Variants in SUGT1 observed in about 807,000 individuals in gnomAD.
SUGT1 encodes protein SGT1 homolog.
SUGT1 carries 15 observed loss-of-function variants against 56.1 expected under a neutral mutation model. The observed-to-expected ratio is 0.27, with a 90% CI of 0.18 to 0.41. The LOEUF is 0.41. Ranked by LOEUF, SUGT1 falls within the 10% of genes least tolerant of loss-of-function variation. SUGT1 has a pLI of 1.00. For missense variants in SUGT1, 347 were observed against 382.2 expected (o/e 0.91, Z 0.77); for synonymous variants, 123 against 128.6 (o/e 0.96, Z 0.30).
intron 7 of SUGT1, among the ~76,000 whole-genome samples, chr13:52,663,509 T>G (rs1343424213): frequency 1.3e-5 from 2 of 152,176 alleles, no homozygotes; most frequent in Non-Finnish European, 2.9e-5. Context: ...TGCTCTGTCA[T>G]GCAGGCTGGA....
At chr13:52,672,498 C>T (rs1962984468) in intron 10 of SUGT1, among the ~76,000 whole-genome samples, 1 of 152,082 alleles carries the variant, frequency 6.6e-6, no homozygotes, top group African/African-American at 2.4e-5. Context: ...AGTGTAAAAT[C>T]AAGGTAGATG....
intron 8 of SUGT1, 66 bp from the exon 9 acceptor site, chr13:52,665,571 T>G (rs1962661971): frequency 2.4e-6 from 3 of 1,225,888 alleles, no homozygotes; most frequent in Non-Finnish European, 3.4e-6. Context: ...CAGACTAGTT[T>G]TTGTTTTGAC....
chr13:52,689,104 C>T lies in SUGT1; in HGVS notation c.*1269C>T, dbSNP rs1362009719. ...GGCAAACGGGTCATCATTTCAGCCT[C>T]CAAAACAGTAGGAATTCAGCTCCTT... On this transcript the variant is annotated 3_prime_UTR_variant, in exon 13 of 13. Coordinates refer to ENST00000310528, the MANE Select transcript of SUGT1 (RefSeq NM_006704.5). 1 of 152,194 alleles carries T rather than the reference C, an allele frequency of 6.6e-6. No individual in the cohort carries two copies. Among genetic ancestry groups the T allele is most frequent in the African/African-American group, 2.4e-5 (1 of 41,408 alleles). The allele number at this position is 152,194 out of a possible 1,614,324, so 9.4% of individuals were successfully genotyped here.
intron 6 of SUGT1, 102 bp downstream of exon 6, chr13:52,662,804 T>A: frequency 1.7e-6 from 2 of 1,210,860 alleles, no homozygotes; most frequent in Non-Finnish European, 2.3e-6. Flanking sequence ...TAATTTCTTT[T>A]AAATAGTATA....
At chr13:52,656,952 G>T (rs1962195045) in intron 2 of SUGT1, among the ~76,000 whole-genome samples, 1 of 152,148 alleles carries the variant, frequency 6.6e-6, no homozygotes, top group Non-Finnish European at 1.5e-5. Context: ...TTAACTCTTG[G>T]TAGTTGACAT....
chr13:52,659,137 A>T (rs748081225), intron 4 of SUGT1, 42 bp from the exon 5 acceptor site: 30 of 1,471,336 alleles, frequency 2.0e-5, no homozygotes, highest in Non-Finnish European at 2.5e-5. Context: ...TATTTTCCAG[A>T]TTTTTTGTGT....
chr13:52,660,810 C>T (rs1280337126), intron 5 of SUGT1, among the ~76,000 whole-genome samples: 1 of 152,046 alleles, frequency 6.6e-6, no homozygotes, highest in Non-Finnish European at 1.5e-5. Context: ...TTTCATTTTT[C>T]TTTCTTTTTT....
At chr13:52,667,348 T>G (rs1566183936) in intron 10 of SUGT1, among the ~76,000 whole-genome samples, 2 of 152,154 alleles carry the variant, frequency 1.3e-5, no homozygotes, top group African/African-American at 4.8e-5. Context: ...TTTTGTTTTT[T>G]TTGTTGTTGT....
intron 10 of SUGT1, among the ~76,000 whole-genome samples, chr13:52,674,053 C>CTTT (rs765220996): frequency 0.5 from 54,196 of 107,672 alleles, 15,466 homozygotes; most frequent in East Asian, 0.71. Flanking sequence ...AGATAGTATA[C>CTTT]TTTTTTTTTT....
intron 5 of SUGT1, among the ~76,000 whole-genome samples, chr13:52,660,080 C>A (rs1403533523): frequency 6.6e-6 from 1 of 151,626 alleles, no homozygotes; most frequent in Non-Finnish European, 1.5e-5. Flanking sequence ...CCACCCTCCT[C>A]GGCCTCCCAA....
intron 2 of SUGT1, among the ~76,000 whole-genome samples, chr13:52,654,233 TC>T (rs960127277): frequency 2.0e-5 from 3 of 152,208 alleles, no homozygotes; most frequent in Non-Finnish European, 4.4e-5. Flanking sequence ...GAGTAAGGCT[TC>T]TGGGATGAGT....
chr13:52,659,195 G>C lies in SUGT1; in HGVS notation c.274G>C (p.Glu92Gln). 6.7e-7 allele frequency: 1 copy of C among 1,487,268 alleles called. No individual in the cohort carries two copies. The highest frequency in any genetic ancestry group is 2.6e-5 in the Admixed American group (1 of 39,054). The allele number at this position is 1,487,268 out of a possible 1,614,324, so 92.1% of individuals were successfully genotyped here. A position where few individuals can be genotyped will look rare whatever the true frequency, so the allele number is the denominator to read the frequency against. Reference protein sequence around the residue: ...MLRKGICEYHEKNYAAALETF... With the variant: ...MLRKGICEYHQKNYAAALETF... ...TTCATGCAGAATATGTGAATACCAT[G>C]AAAAAAACTATGCTGCTGCCCTAGA... The change falls in exon 5 of 13, where the codon GAA becomes CAA. Residue 92 changes from glutamate (E) to glutamine (Q), a missense_variant. Transcript: ENST00000310528.
At chr13:52,665,821 T>G (rs757443468) in intron 9 of SUGT1, 88 bp downstream of exon 9, 80 of 816,374 alleles carry the variant, frequency 9.8e-5, no homozygotes, top group Non-Finnish European at 1.3e-4. Flanking sequence ...GTTTATCAGA[T>G]AAATGCTATT....
intron 12 of SUGT1, among the ~76,000 whole-genome samples, chr13:52,683,831 T>C (rs894026611): frequency 2.6e-5 from 4 of 152,138 alleles, no homozygotes. Context: ...CTGATAAATT[T>C]ATCCATTTTG....
At chr13:52,683,972 C>T (rs1030118267) in intron 12 of SUGT1, among the ~76,000 whole-genome samples, 4 of 152,162 alleles carry the variant, frequency 2.6e-5, no homozygotes, top group Non-Finnish European at 5.9e-5. Context: ...CCTCAACTTC[C>T]CAGGCTCAAG....
intron 2 of SUGT1, among the ~76,000 whole-genome samples, chr13:52,653,864 T>C (rs770509608): frequency 3.3e-5 from 5 of 152,244 alleles, no homozygotes; most frequent in Non-Finnish European, 7.3e-5. Context: ...CCTGTTTTGC[T>C]GTTACGTTTA....
intron 5 of SUGT1, among the ~76,000 whole-genome samples, chr13:52,660,283 A>ACC (rs1962380374): frequency 2.0e-5 from 3 of 152,176 alleles, no homozygotes; most frequent in Admixed American, 2.0e-4. Context: ...CTTAACTGGA[A>ACC]ACGGTTTTGC....
chr13:52,685,011 G>A (rs1051519759), intron 12 of SUGT1, among the ~76,000 whole-genome samples: 27 of 150,926 alleles, frequency 1.8e-4, no homozygotes, highest in Non-Finnish European at 3.4e-4. Context: ...TTGCCACCAC[G>A]TCATTTCTTG....
At chr13:52,665,059 AGT>A (rs1962635880) in intron 8 of SUGT1, among the ~76,000 whole-genome samples, 1 of 152,102 alleles carries the variant, frequency 6.6e-6, no homozygotes, top group Non-Finnish European at 1.5e-5. Context: ...ATTGAAGGAA[AGT>A]GTTGTATATG....
Sources: allele counts gnomAD v4.1 joint callset (sites outside exome capture counted in the v4.1 genomes callset), GRCh38; gene constraint gnomAD v4.1.1; transcripts MANE v1.5; gene names NCBI Gene and HGNC (gene_info 2026-07-23, HGNC 2026-07-21).